Variants in GALNT17 observed in about 807,000 individuals in gnomAD.
GALNT17 encodes UDP-GalNAc:polypeptide N-acetylgalactosaminyltransferase-like 3.
GALNT17 carries 29 observed loss-of-function variants against 63.7 expected under a neutral mutation model. That is an observed-to-expected ratio of 0.46 (90% CI 0.34 to 0.62). The LOEUF (loss-of-function observed/expected upper bound fraction) is 0.62, where lower values mean the gene tolerates loss of function less well. Ranked by LOEUF, GALNT17 falls within the 20% of genes least tolerant of loss-of-function variation. The pLI, the probability that GALNT17 is intolerant of heterozygous loss-of-function variation, is 0.01. For missense variants in GALNT17, 603 were observed against 799.6 expected (o/e 0.75, Z 2.97); for synonymous variants, 305 against 318.3 (o/e 0.96, Z 0.45).
chr7:71,498,305 C>T (rs943582681), intron 5 of GALNT17, among the ~76,000 whole-genome samples: 1 of 151,920 alleles, frequency 6.6e-6, no homozygotes, highest in African/African-American at 2.4e-5. Flanking sequence ...GTGAGACCCC[C>T]GTCTCTACTA....
intron 5 of GALNT17, among the ~76,000 whole-genome samples, chr7:71,526,758 C>T (rs972478778): frequency 1.3e-5 from 2 of 152,264 alleles, no homozygotes; most frequent in Non-Finnish European, 2.9e-5. Context: ...GTGTGATCCA[C>T]CTGCCTTGGC....
intron 8 of GALNT17, among the ~76,000 whole-genome samples, chr7:71,676,068 T>C (rs1274960180): frequency 2.6e-5 from 4 of 152,108 alleles, no homozygotes; most frequent in Non-Finnish European, 4.4e-5. Flanking sequence ...TGGAGGGGAA[T>C]GAATATAGAT....
intron 5 of GALNT17, among the ~76,000 whole-genome samples, chr7:71,565,319 C>T (rs1212445048): frequency 6.6e-6 from 1 of 151,970 alleles, no homozygotes; most frequent in African/African-American, 2.4e-5. Flanking sequence ...CAAAGGGTAA[C>T]TGAGAGGGAT....
chr7:71,532,136 G>C (rs549440520), intron 5 of GALNT17, among the ~76,000 whole-genome samples: 1 of 152,180 alleles, frequency 6.6e-6, no homozygotes, highest in African/African-American at 2.4e-5. Flanking sequence ...CCTCTTGAGA[G>C]ATGTAGACTT....
intron 5 of GALNT17, among the ~76,000 whole-genome samples, chr7:71,523,565 G>C (rs898956576): frequency 6.6e-6 from 1 of 151,528 alleles, no homozygotes; most frequent in Non-Finnish European, 1.5e-5. Flanking sequence ...GATCAGCCTG[G>C]ACATGATAAC....
At chr7:71,648,547 A>G (rs937561502) in intron 6 of GALNT17, among the ~76,000 whole-genome samples, 1 of 152,156 alleles carries the variant, frequency 6.6e-6, no homozygotes, top group Non-Finnish European at 1.5e-5. Flanking sequence ...TACTGGGATG[A>G]CAGGCATGAG....
intron 1 of GALNT17, among the ~76,000 whole-genome samples, chr7:71,315,154 T>C (rs551906277): frequency 1.3e-5 from 2 of 152,342 alleles, no homozygotes; most frequent in East Asian, 1.9e-4. Flanking sequence ...CTTTATTCAC[T>C]TAGCAAAACG....
intron 1 of GALNT17, among the ~76,000 whole-genome samples, chr7:71,187,314 G>A (rs575006125): frequency 2.7e-5 from 4 of 147,574 alleles, no homozygotes; most frequent in East Asian, 3.9e-4. Context: ...AGAGGTGGGC[G>A]TATTGCTGTG....
At chr7:71,606,630 T>C (rs1790052384) in intron 6 of GALNT17, among the ~76,000 whole-genome samples, 1 of 152,286 alleles carries the variant, frequency 6.6e-6, no homozygotes, top group South Asian at 2.1e-4. Flanking sequence ...ACCTTCATCA[T>C]CCTCTGTTCT....
intron 9 of GALNT17, among the ~76,000 whole-genome samples, chr7:71,678,416 C>T (rs1231576988): frequency 1.3e-5 from 2 of 151,812 alleles, no homozygotes; most frequent in East Asian, 4.0e-4. Context: ...TGAGCTTCCG[C>T]CCTGGGCCAA....
Position 71,190,338 on chromosome 7 carries a change from T to C in GALNT17, c.238+57298T>C, listed in dbSNP as rs149948009. On this transcript the variant is annotated intron_variant, in intron 1 of 10. Transcript: ENST00000333538. ...TCATGGCTTGGTGCTGTCTTCCTGA[T>C]AGCAAGTGAGTTCTTGCAAGATCTG... Among the ~76,000 whole-genome samples, 475 of 152,284 alleles carry C rather than the reference T, an allele frequency of 3.1e-3. 2 individuals carry two copies. The highest frequency in any genetic ancestry group is 0.01 in the African/African-American group (434 of 41,552).
chr7:71,412,795 C>T (rs1282935337), intron 3 of GALNT17, among the ~76,000 whole-genome samples: 1 of 152,078 alleles, frequency 6.6e-6, no homozygotes, highest in Non-Finnish European at 1.5e-5. Context: ...GTAATCCTAG[C>T]ACTTTAAGAG....
At chr7:71,450,014 C>G (rs1042626569) in intron 5 of GALNT17, among the ~76,000 whole-genome samples, 4 of 145,566 alleles carry the variant, frequency 2.7e-5, no homozygotes, top group Admixed American at 2.1e-4. Context: ...CGCACTCCAG[C>G]CTGGGCAACA....
intron 5 of GALNT17, among the ~76,000 whole-genome samples, chr7:71,437,541 G>T (rs1786987802): frequency 6.6e-6 from 1 of 152,174 alleles, no homozygotes; most frequent in African/African-American, 2.4e-5. Context: ...TAGTTGGTCG[G>T]CTCTGCGTGG....
At chr7:71,448,984 G>A (rs112986926) in intron 5 of GALNT17, among the ~76,000 whole-genome samples, 2,422 of 151,882 alleles carry the variant, frequency 0.016, 64 homozygotes, top group African/African-American at 0.056. Context: ...CTTGGGTGAT[G>A]GTTTAAACGG....
intron 9 of GALNT17, among the ~76,000 whole-genome samples, chr7:71,693,819 T>TA (rs10695372): frequency 0.38 from 55,737 of 144,908 alleles, 12,041 homozygotes; most frequent in Middle Eastern, 0.55. Flanking sequence ...TAAAAAAAGT[T>TA]AAAAAAAAAA....
At chr7:71,333,374 C>T (rs914336069) in intron 1 of GALNT17, among the ~76,000 whole-genome samples, 1 of 152,106 alleles carries the variant, frequency 6.6e-6, no homozygotes, top group Non-Finnish European at 1.5e-5. Flanking sequence ...TCTGGAGATA[C>T]TATATTTTGT....
chr7:71,290,896 T>C (rs1400671476), intron 1 of GALNT17, among the ~76,000 whole-genome samples: 2 of 152,196 alleles, frequency 1.3e-5, no homozygotes, highest in Non-Finnish European at 2.9e-5. Flanking sequence ...ATCTTGGCTC[T>C]CTGCCTCGCT....
intron 2 of GALNT17, among the ~76,000 whole-genome samples, chr7:71,368,489 C>T (rs2527302): frequency 0.043 from 6,588 of 152,178 alleles, 507 homozygotes; most frequent in African/African-American, 0.15. Flanking sequence ...GCTTCATGAC[C>T]CAGTTCAAAT....
Sources: allele counts gnomAD v4.1 joint callset (sites outside exome capture counted in the v4.1 genomes callset), GRCh38; gene constraint gnomAD v4.1.1; transcripts MANE v1.5; gene names NCBI Gene and HGNC (gene_info 2026-07-23, HGNC 2026-07-21).